Variants in CDK19 observed in about 807,000 individuals in gnomAD.
The protein encoded by CDK19 is cyclin dependent kinase 19, also known as cyclin-dependent kinase 19.
A neutral mutation model predicts 68.3 loss-of-function variants in CDK19; 20 were observed. The ratio of observed to expected loss-of-function variants is 0.29; its 90% CI spans 0.21 to 0.43. The LOEUF is 0.43. Ranked by LOEUF, CDK19 falls within the 20% of genes least tolerant of loss-of-function variation. The pLI is 1.00. For missense variants in CDK19, 339 were observed against 623.5 expected (o/e 0.54, Z 4.86); for synonymous variants, 221 against 222.8 (o/e 0.99, Z 0.07).
intron 1 of CDK19, among the ~76,000 whole-genome samples, chr6:110,753,345 C>A (rs1477316235): frequency 6.6e-6 from 1 of 151,806 alleles, no homozygotes; most frequent in African/African-American, 2.4e-5. Context: ...TTTTAGAAAT[C>A]TCTATTAGTT....
chr6:110,772,883 C>T (rs367960266), intron 1 of CDK19, among the ~76,000 whole-genome samples: 5 of 145,832 alleles, frequency 3.4e-5, no homozygotes, highest in East Asian at 5.7e-4. Context: ...ATAGTGAGTC[C>T]CTGTCCCAAA....
chr6:110,747,617 C>CT (rs1374521410), intron 1 of CDK19, among the ~76,000 whole-genome samples: 1 of 152,074 alleles, frequency 6.6e-6, no homozygotes, highest in African/African-American at 2.4e-5. Context: ...GTTATGTCAA[C>CT]TAACTTTAGT....
At chr6:110,645,675 C>T in intron 4 of CDK19, 1 of 372,360 alleles carries the variant, frequency 2.7e-6, no homozygotes, top group South Asian at 2.4e-5. Context: ...GGATAAGACA[C>T]TTTGTCCCCT....
chr6:110,689,296 C>T (rs150266617), intron 2 of CDK19, among the ~76,000 whole-genome samples: 1 of 152,106 alleles, frequency 6.6e-6, no homozygotes, highest in African/African-American at 2.4e-5. Context: ...ACTGAGCCCC[C>T]ACCTGGCTTT....
At chr6:110,648,065 G>GA (rs1012226743) in intron 4 of CDK19, among the ~76,000 whole-genome samples, 5 of 152,158 alleles carry the variant, frequency 3.3e-5, no homozygotes, top group East Asian at 1.9e-4. Context: ...AGTTAGGCTA[G>GA]AAAAAATCTA....
chr6:110,666,382 G>A (rs1473693272), intron 4 of CDK19, among the ~76,000 whole-genome samples: 11 of 129,418 alleles, frequency 8.5e-5, no homozygotes, highest in East Asian at 2.2e-4. Flanking sequence ...CCGAGATGGC[G>A]CCACTGCACT....
chr6:110,678,647 T>C (rs1046492189), intron 2 of CDK19, among the ~76,000 whole-genome samples: 3 of 152,206 alleles, frequency 2.0e-5, no homozygotes, highest in African/African-American at 7.2e-5. Context: ...TTATCTACAA[T>C]TCTAAAGAAA....
intron 4 of CDK19, among the ~76,000 whole-genome samples, chr6:110,663,605 C>T (rs1021198587): frequency 2.6e-5 from 4 of 152,200 alleles, no homozygotes; most frequent in Non-Finnish European, 5.9e-5. Context: ...AATCGTGGCT[C>T]ACTGCAGCCT....
At chr6:110,744,095 C>T (rs1194935480) in intron 2 of CDK19, among the ~76,000 whole-genome samples, 1 of 147,608 alleles carries the variant, frequency 6.8e-6, no homozygotes, top group Non-Finnish European at 1.5e-5. Context: ...CTCACTGAAC[C>T]TCCTAGGTTC....
At chr6:110,800,243 G>C (rs1193293604) in intron 1 of CDK19, among the ~76,000 whole-genome samples, 1 of 152,138 alleles carries the variant, frequency 6.6e-6, no homozygotes, top group Non-Finnish European at 1.5e-5. Flanking sequence ...AATCTCTAAA[G>C]ATTGAACCAG....
chr6:110,731,909 GA>G (rs898451911), intron 2 of CDK19, among the ~76,000 whole-genome samples: 9 of 152,132 alleles, frequency 5.9e-5, no homozygotes, highest in African/African-American at 2.2e-4. Context: ...AACAGAAGGG[GA>G]CACACAATAA....
chr6:110,628,583 CA>C (rs956902742), intron 6 of CDK19, among the ~76,000 whole-genome samples: 3 of 152,060 alleles, frequency 2.0e-5, no homozygotes, highest in African/African-American at 7.2e-5. Context: ...GTTATTAGAT[CA>C]AAAAAACATA....
chr6:110,770,278 C>T (rs1326471590), intron 1 of CDK19, among the ~76,000 whole-genome samples: 1 of 148,768 alleles, frequency 6.7e-6, no homozygotes, highest in Non-Finnish European at 1.5e-5. Flanking sequence ...TAAAGACATA[C>T]CCGAGATTGG....
chr6:110,746,081 C>G (rs751346035), intron 2 of CDK19, 45 bp downstream of exon 2: 9 of 938,050 alleles, frequency 9.6e-6, no homozygotes, highest in Non-Finnish European at 1.4e-5. Flanking sequence ...AAATCATCAC[C>G]CAATATCAAT....
rs1778068891 is a variant in CDK19 at position 110,612,301 on chromosome 6, T to C, written c.*2234A>G. ...TTGTTAAAAGGCTGCTGTGAACATT[T>C]CAAAGATACGTCAATGCCTTTTGTG... is the stretch of plus-strand genomic sequence containing the variant. On this transcript the variant is annotated 3_prime_UTR_variant, in exon 13 of 13. Transcript: ENST00000368911. 1 of 152,546 alleles carries C rather than the reference T, an allele frequency of 6.6e-6. No individual in the cohort carries two copies. 9.4% of individuals were successfully genotyped at this position (152,546 alleles called of 1,614,324 possible). A position where few individuals can be genotyped will look rare whatever the true frequency, so the allele number is the denominator to read the frequency against.
At chr6:110,687,053 T>C (rs1043819593) in intron 2 of CDK19, among the ~76,000 whole-genome samples, 1 of 152,104 alleles carries the variant, frequency 6.6e-6, no homozygotes, top group African/African-American at 2.4e-5. Flanking sequence ...AATTAATTAA[T>C]TAAAAATAAA....
At chr6:110,813,476 C>A (rs1418511316) in intron 1 of CDK19, 2 of 152,130 alleles carry the variant, frequency 1.3e-5, no homozygotes, top group African/African-American at 4.8e-5. Context: ...CCCACAAGAA[C>A]ACTAGTATAA....
intron 2 of CDK19, among the ~76,000 whole-genome samples, chr6:110,699,081 T>C (rs533633386): frequency 1.4e-5 from 2 of 145,450 alleles, no homozygotes; most frequent in East Asian, 2.1e-4. Flanking sequence ...GTGGTATATA[T>C]ACACCATGAA....
chr6:110,758,238 CA>C (rs748353728), intron 1 of CDK19, among the ~76,000 whole-genome samples: 20 of 152,082 alleles, frequency 1.3e-4, no homozygotes, highest in Middle Eastern at 6.8e-3. Flanking sequence ...CAATGAAAAA[CA>C]ATAAGAAAGG....
Sources: allele counts gnomAD v4.1 joint callset (sites outside exome capture counted in the v4.1 genomes callset), GRCh38; gene constraint gnomAD v4.1.1; transcripts MANE v1.5; gene names NCBI Gene and HGNC (gene_info 2026-07-23, HGNC 2026-07-21).